TRIM23: variants seen among roughly 807,000 people sequenced by gnomAD.
TRIM23 encodes the protein tripartite motif containing 23, also known as E3 ubiquitin-protein ligase TRIM23.
In TRIM23, 27 loss-of-function variants were observed where a neutral mutation model predicts 71.0. The ratio of observed to expected loss-of-function variants is 0.38; its 90% confidence interval spans 0.28 to 0.52. The LOEUF is 0.52. Ranked by LOEUF, TRIM23 falls within the 20% of genes least tolerant of loss-of-function variation. TRIM23 has a pLI of 0.84. For synonymous variants in TRIM23, 234 were observed against 238.0 expected, an observed-to-expected ratio of 0.98 and a Z score of 0.16; for missense variants, 482 against 692.3, an observed-to-expected ratio of 0.70 and a Z score of 3.41.
chr5:65,597,343 C>T (rs1754234767), intron 7 of TRIM23, among the ~76,000 whole-genome samples, 163 bp from the exon 8 acceptor site: 1 of 149,372 alleles, frequency 6.7e-6, no homozygotes, highest in South Asian at 2.2e-4. Flanking sequence ...AAATCCTTCC[C>T]CATGGCTAAA....
At chr5:65,592,034 C>A in intron 10 of TRIM23, 86 bp from the exon 11 acceptor site, 1 of 1,338,996 alleles carries the variant, frequency 7.5e-7, no homozygotes, top group South Asian at 1.5e-5. Flanking sequence ...AATTTGTTGA[C>A]AGTGTTCTAA....
At chr5:65,611,194 AG>A (rs1359846737) in intron 4 of TRIM23, 151 bp from the exon 5 acceptor site, 2 of 731,566 alleles carry the variant, frequency 2.7e-6, no homozygotes, top group Non-Finnish European at 4.1e-6. Flanking sequence ...CTCCTTTATA[AG>A]AAAACTGTAC....
chr5:65,623,783 T>C (rs1487271830), intron 1 of TRIM23, among the ~76,000 whole-genome samples: 4 of 152,120 alleles, frequency 2.6e-5, no homozygotes, highest in Admixed American at 2.6e-4. Flanking sequence ...CCCTGTAAAA[T>C]GGGAATTCAC....
intron 3 of TRIM23, 35 bp downstream of exon 3, chr5:65,614,063 C>A: frequency 6.3e-7 from 1 of 1,598,258 alleles, no homozygotes; most frequent in Non-Finnish European, 8.5e-7. Flanking sequence ...AAAATTCATG[C>A]TCGTAACAAA....
intron 2 of TRIM23, 34 bp downstream of exon 2, chr5:65,618,059 T>G: frequency 6.5e-7 from 1 of 1,537,752 alleles, no homozygotes; most frequent in Non-Finnish European, 8.8e-7. Context: ...ATGAACAATT[T>G]TCAATCTTAA....
chr5:65,609,561 T>C lies in TRIM23; in HGVS notation c.829-103A>G, dbSNP rs573782685. 1.5e-5 allele frequency: 19 copies of C among 1,272,998 alleles called. No individual in the cohort carries two copies. In the African/African-American group the frequency reaches 2.9e-4, roughly 19 times the overall value. 78.9% of individuals were successfully genotyped at this position (1,272,998 alleles called of 1,614,324 possible). On this transcript the variant is annotated intron_variant, in intron 5 of 10. Coordinates refer to ENST00000231524, the MANE Select transcript of TRIM23 (RefSeq NM_001656.4). Reference sequence around the variant, plus strand: ...CTAGGCAACATGGCAAAACTCTGTCTCTACAAAAAATGGAAAAAATTAGCC... The same window carrying C: ...CTAGGCAACATGGCAAAACTCTGTCCCTACAAAAAATGGAAAAAATTAGCC...
Position 65,590,251 on chromosome 5 carries a change from G to T in TRIM23, c.*1518C>A. 1 of 1,045,192 alleles carries T rather than the reference G, an allele frequency of 9.6e-7. No individual in the cohort carries two copies. The highest frequency in any genetic ancestry group is 1.4e-6 in the Non-Finnish European group (1 of 704,112). 64.7% of individuals were successfully genotyped at this position (1,045,192 alleles called of 1,614,324 possible). ...AGTCAAATATTAAATAATTTAATTC[G>T]GAAGTATTATTTATGCACACAAACT... On this transcript the variant is annotated 3_prime_UTR_variant, in exon 11 of 11. Transcript: ENST00000231524.
intron 7 of TRIM23, among the ~76,000 whole-genome samples, chr5:65,597,556 A>C (rs1754242077): frequency 6.6e-6 from 1 of 152,192 alleles, no homozygotes; most frequent in African/African-American, 2.4e-5. Context: ...TATGAATCTG[A>C]TGTATATCCC....
intron 7 of TRIM23, among the ~76,000 whole-genome samples, chr5:65,599,855 AT>A: frequency 6.6e-6 from 1 of 152,344 alleles, no homozygotes; most frequent in Admixed American, 6.5e-5. Flanking sequence ...AAGCTAATGT[AT>A]TGTTCTGTTT....
chr5:65,599,959 T>TGCTG (rs1754315955), intron 7 of TRIM23, among the ~76,000 whole-genome samples: 1 of 152,224 alleles, frequency 6.6e-6, no homozygotes, highest in Non-Finnish European at 1.5e-5. Flanking sequence ...GGAAGCATGA[T>TGCTG]GCTGGCATCA....
intron 10 of TRIM23, 126 bp downstream of exon 10, chr5:65,594,395 G>C: frequency 8.1e-7 from 1 of 1,229,458 alleles, no homozygotes; most frequent in Non-Finnish European, 1.1e-6. Flanking sequence ...CACATAGATT[G>C]TACTCAAAAT....
At chr5:65,607,572 A>T (rs1754541791) in intron 6 of TRIM23, among the ~76,000 whole-genome samples, 1 of 152,090 alleles carries the variant, frequency 6.6e-6, no homozygotes, top group Non-Finnish European at 1.5e-5. Flanking sequence ...AGCCATGCAA[A>T]CCTGTAAATT....
chr5:65,605,063 A>T lies in TRIM23; in HGVS notation c.1045-18T>A, dbSNP rs1018051595. ...CAATCATCCTATAAGAGGCAAAACA[A>T]TATTTCTTATAAACTTTTTATAAGA... is the stretch of plus-strand genomic sequence containing the variant. On this transcript the variant is annotated intron_variant, in intron 6 of 10. Coordinates refer to ENST00000231524, the MANE Select transcript of TRIM23 (RefSeq NM_001656.4). The T allele has an allele frequency of 1.3e-6, 2 of 1,575,860 alleles. No individual in the cohort carries two copies. Among genetic ancestry groups the T allele is most frequent in the Admixed American group, 1.9e-5 (1 of 53,998 alleles).
intron 7 of TRIM23, among the ~76,000 whole-genome samples, chr5:65,599,522 A>G (rs1754305255): frequency 1.3e-5 from 2 of 152,270 alleles, no homozygotes; most frequent in South Asian, 2.1e-4. Context: ...CACCAACCTA[A>G]TATGTAGGCG....
chr5:65,598,743 C>T lies in TRIM23; in HGVS notation c.1180-1563G>A, dbSNP rs570434762. Among the ~76,000 whole-genome samples the T allele has an allele frequency of 7.8e-3, 685 of 88,156 alleles. 7 individuals carry two copies. Among genetic ancestry groups the T allele is most frequent in the African/African-American group, 0.042 (651 of 15,444 alleles). 57.8% of individuals were successfully genotyped at this position (88,156 alleles called of 152,430 possible). A position where few individuals can be genotyped will look rare whatever the true frequency, so the allele number is the denominator to read the frequency against. On this transcript the variant is annotated intron_variant, in intron 7 of 10. Coordinates refer to ENST00000231524, the MANE Select transcript of TRIM23 (RefSeq NM_001656.4). ...AGCCTGGGCAACAAGAGCGAAACTC[C>T]GCCTCAAAAAAAAAAAAAACACATA...
intron 3 of TRIM23, chr5:65,613,897 A>T: frequency 6.7e-7 from 1 of 1,484,742 alleles, no homozygotes; most frequent in Non-Finnish European, 9.0e-7. Context: ...CATAAAGCAT[A>T]GTTTAGGCAT....
At chr5:65,616,631 C>T (rs1754785236) in intron 2 of TRIM23, among the ~76,000 whole-genome samples, 1 of 108,690 alleles carries the variant, frequency 9.2e-6, no homozygotes, top group Non-Finnish European at 1.8e-5. Context: ...GACGGAGTAA[C>T]ACTCTGCTTT....
At position 65,590,470 on chromosome 5, in the gene TRIM23, T is replaced by A; in HGVS notation, c.*1299A>T. 1 of 1,274,070 alleles carries A rather than the reference T, an allele frequency of 7.8e-7. No homozygotes were observed. The highest frequency in any genetic ancestry group is 1.0e-6 in the Non-Finnish European group (1 of 1,000,448). 78.9% of individuals were successfully genotyped at this position (1,274,070 alleles called of 1,614,324 possible). On this transcript the variant is annotated 3_prime_UTR_variant, in exon 11 of 11. Coordinates refer to ENST00000231524, the MANE Select transcript of TRIM23 (RefSeq NM_001656.4). The stretch of plus-strand genomic sequence containing the variant: ...GTGCTACCAAAAAGTCACATCTTGT[T>A]ACCAGACATCACTGTCCTTACAACA...
chr5:65,604,253 T>C (rs1195038691), intron 7 of TRIM23, among the ~76,000 whole-genome samples: 1 of 152,068 alleles, frequency 6.6e-6, no homozygotes, highest in African/African-American at 2.4e-5. Flanking sequence ...TGCACCACTA[T>C]GCCAAAAATT....
Sources: allele counts gnomAD v4.1 joint callset (sites outside exome capture counted in the v4.1 genomes callset), GRCh38; gene constraint gnomAD v4.1.1; transcripts MANE v1.5; gene names NCBI Gene and HGNC (gene_info 2026-07-23, HGNC 2026-07-21).